Variants in IMMP2L observed in about 807,000 individuals in gnomAD.
IMMP2L encodes inner mitochondrial membrane peptidase subunit 2.
A neutral mutation model predicts 19.3 loss-of-function variants in IMMP2L; 18 were observed. That is an observed-to-expected ratio of 0.93 (90% CI 0.64 to 1.38). IMMP2L has a LOEUF of 1.38. IMMP2L is among the 40% of genes most tolerant of loss of function. The probability of loss-of-function intolerance (pLI) is 0.00; values close to 1 mark genes in which losing one functional copy is unlikely to be tolerated. For synonymous variants in IMMP2L, 76 were observed against 73.0 expected, an observed-to-expected ratio of 1.04 and a Z score of -0.21; for missense variants, 233 against 218.2, an observed-to-expected ratio of 1.07 and a Z score of -0.43.
chr7:111,369,596 T>C (rs1474781339), intron 3 of IMMP2L, among the ~76,000 whole-genome samples: 2 of 151,902 alleles, frequency 1.3e-5, no homozygotes. Context: ...AATAGAAAAG[T>C]ATTGCTATCA....
At chr7:111,470,121 A>G (rs1312469244) in intron 3 of IMMP2L, among the ~76,000 whole-genome samples, 1 of 152,228 alleles carries the variant, frequency 6.6e-6, no homozygotes, top group Non-Finnish European at 1.5e-5. Flanking sequence ...GACACATGAA[A>G]AAATGCTCAT....
chr7:111,044,994 C>T (rs1451259844), intron 3 of IMMP2L, among the ~76,000 whole-genome samples: 1 of 151,890 alleles, frequency 6.6e-6, no homozygotes, highest in African/African-American at 2.4e-5. Flanking sequence ...AAAGATAAAG[C>T]AGAGAGAATA....
At chr7:111,197,162 T>C (rs917209645) in intron 3 of IMMP2L, among the ~76,000 whole-genome samples, 6 of 152,038 alleles carry the variant, frequency 3.9e-5, no homozygotes, top group Admixed American at 3.9e-4. Flanking sequence ...CAAATTCCTT[T>C]AAAAATGAAC....
intron 1 of IMMP2L, among the ~76,000 whole-genome samples, chr7:111,559,668 AG>A (rs1433023587): frequency 1.3e-5 from 2 of 152,198 alleles, no homozygotes; most frequent in South Asian, 4.1e-4. Flanking sequence ...CACAATCAAA[AG>A]GAAGATCATA....
chr7:110,771,456 C>A (rs144583036), intron 5 of IMMP2L, among the ~76,000 whole-genome samples: 1 of 152,276 alleles, frequency 6.6e-6, no homozygotes, highest in African/African-American at 2.4e-5. Flanking sequence ...TGGTTGAGAG[C>A]AGGGACCACC....
At chr7:110,962,823 A>G (rs752521984) in intron 4 of IMMP2L, 4 of 1,222,624 alleles carry the variant, frequency 3.3e-6, no homozygotes, top group Admixed American at 4.2e-5. Context: ...TCCTCAATGT[A>G]GTAGTCAAAG....
At chr7:111,446,927 C>T (rs1411390224) in intron 3 of IMMP2L, among the ~76,000 whole-genome samples, 2 of 149,074 alleles carry the variant, frequency 1.3e-5, no homozygotes, top group African/African-American at 2.5e-5. Context: ...CCTCAGGAGC[C>T]GATGCGATCA....
At chr7:111,031,151 G>T (rs1017513034) in intron 3 of IMMP2L, among the ~76,000 whole-genome samples, 2 of 151,748 alleles carry the variant, frequency 1.3e-5, no homozygotes, top group African/African-American at 2.4e-5. Context: ...ATACACACAG[G>T]TTAGTAATCT....
At chr7:111,335,290 T>C (rs1826285592) in intron 3 of IMMP2L, among the ~76,000 whole-genome samples, 1 of 152,092 alleles carries the variant, frequency 6.6e-6, no homozygotes, top group Non-Finnish European at 1.5e-5. Context: ...GATATGAGGA[T>C]GACTACCAAA....
intron 3 of IMMP2L, among the ~76,000 whole-genome samples, chr7:111,212,263 T>G (rs1489575071): frequency 6.6e-6 from 1 of 152,004 alleles, no homozygotes; most frequent in Non-Finnish European, 1.5e-5. Context: ...TATAAAATAA[T>G]AGTTCATAGA....
At chr7:111,506,484 G>A (rs200852226) in intron 2 of IMMP2L, among the ~76,000 whole-genome samples, 3 of 151,886 alleles carry the variant, frequency 2.0e-5, no homozygotes, top group South Asian at 2.1e-4. Context: ...TGCAACCTCC[G>A]CCTCCCAGGT....
At chr7:110,954,512 C>T (rs1023736805) in intron 4 of IMMP2L, among the ~76,000 whole-genome samples, 9 of 152,058 alleles carry the variant, frequency 5.9e-5, no homozygotes, top group African/African-American at 2.2e-4. Context: ...CTGATACTTA[C>T]TGAACACATT....
At chr7:111,198,642 GCCTTTTTCCA>G (rs1252118442) in intron 3 of IMMP2L, among the ~76,000 whole-genome samples, 3 of 152,112 alleles carry the variant, frequency 2.0e-5, no homozygotes, top group Non-Finnish European at 4.4e-5. Context: ...TACAAATGAT[GCCTTTTTCCA>G]CCATAACTGC....
intron 3 of IMMP2L, among the ~76,000 whole-genome samples, chr7:111,315,747 G>T (rs910752748): frequency 6.7e-6 from 1 of 149,946 alleles, no homozygotes; most frequent in Non-Finnish European, 1.5e-5. Flanking sequence ...AAAAAAAAAG[G>T]CTTCATTTTT....
chr7:111,171,497 T>G (rs1806447454), intron 3 of IMMP2L, among the ~76,000 whole-genome samples: 1 of 151,620 alleles, frequency 6.6e-6, no homozygotes, highest in Non-Finnish European at 1.5e-5. Flanking sequence ...ATAATATAAA[T>G]CATTTAAAGC....
At chr7:110,936,116 C>T (rs1025660003) in intron 4 of IMMP2L, among the ~76,000 whole-genome samples, 13 of 152,056 alleles carry the variant, frequency 8.5e-5, no homozygotes, top group Non-Finnish European at 1.9e-4. Context: ...ACCTAGGCAA[C>T]ACTATTCAGG....
intron 3 of IMMP2L, among the ~76,000 whole-genome samples, chr7:111,306,606 C>G (rs1022484705): frequency 7.3e-6 from 1 of 136,118 alleles, no homozygotes; most frequent in Non-Finnish European, 1.6e-5. Context: ...TCACTGGACT[C>G]TGTGTGTGTG....
chr7:111,404,970 A>G (rs976394125), intron 3 of IMMP2L, among the ~76,000 whole-genome samples: 1 of 152,130 alleles, frequency 6.6e-6, no homozygotes, highest in African/African-American at 2.4e-5. Flanking sequence ...AACGTCAGAA[A>G]AATAAAAATT....
intron 3 of IMMP2L, among the ~76,000 whole-genome samples, chr7:111,195,582 A>G (rs1759504314): frequency 6.6e-6 from 1 of 152,068 alleles, no homozygotes; most frequent in African/African-American, 2.4e-5. Context: ...TTAAAAGCAA[A>G]TATGTACATA....
Sources: gnomAD v4.1 joint callset for allele counts (sites outside exome capture counted in the v4.1 genomes callset) on GRCh38, gnomAD v4.1.1 for gene constraint, MANE v1.5 for transcripts, NCBI Gene and HGNC (gene_info 2026-07-23, HGNC 2026-07-21) for gene names.